XPO7: variants seen among roughly 807,000 people sequenced by gnomAD.
The protein encoded by XPO7 is exportin 7, also known as exportin-7.
XPO7 carries 21 observed loss-of-function variants against 144.3 expected under a neutral mutation model. That is an observed-to-expected ratio of 0.15 (90% CI 0.10 to 0.21). XPO7 has a LOEUF of 0.21. Ranked by LOEUF, XPO7 falls within the 10% of genes least tolerant of loss-of-function variation. The probability of loss-of-function intolerance (pLI) is 1.00; values close to 1 mark genes in which losing one functional copy is unlikely to be tolerated. For missense variants in XPO7, 808 were observed against 1,325.8 expected, an observed-to-expected ratio of 0.61 and a Z score of 6.06; for synonymous variants, 580 against 499.6, an observed-to-expected ratio of 1.16 and a Z score of -2.15.
chr8:21,982,031 T>TACATTTAC (rs1194764557), intron 10 of XPO7, among the ~76,000 whole-genome samples, 154 bp downstream of exon 10: 1 of 152,222 alleles, frequency 6.6e-6, no homozygotes, highest in Non-Finnish European at 1.5e-5. Flanking sequence ...GCCTGTGATT[T>TACATTTAC]ACATTTACAC....
intron 1 of XPO7, among the ~76,000 whole-genome samples, chr8:21,934,120 G>A (rs1026230578): frequency 1.3e-5 from 2 of 152,142 alleles, no homozygotes; most frequent in African/African-American, 4.8e-5. Flanking sequence ...CCTTGCTTTC[G>A]TAGTTCTTAT....
rs1216563460 is a variant in XPO7, at chr8:22,003,993, G to A, written c.3133G>A (p.Gly1045Ser). 1.2e-6 allele frequency: 2 copies of A among 1,613,922 alleles called. No individual in the cohort carries two copies. Among genetic ancestry groups the A allele is most frequent in the South Asian group, 2.2e-5 (2 of 91,076 alleles). The change falls in exon 27 of 28, where the codon GGC becomes AGC. Residue 1045 changes from glycine to serine, a missense_variant. By Grantham distance (56) the Gly-to-Ser change is moderately conservative. Coordinates refer to ENST00000252512, the MANE Select transcript of XPO7 (RefSeq NM_015024.5). ...CCTGTGTTTTGAGAACCTGATGGAA[G>A]GCATCGAGCGAAATCTTCTTACGAA... ...MHLCFENLME[G>S]IERNLLTKNR...
At chr8:21,962,857 T>C (rs1811769286) in intron 1 of XPO7, among the ~76,000 whole-genome samples, 2 of 152,224 alleles carry the variant, frequency 1.3e-5, no homozygotes, top group African/African-American at 4.8e-5. Flanking sequence ...TACTCACTTA[T>C]TGACTATAAG....
chr8:21,964,464 T>A (rs1011554735), intron 1 of XPO7: 1 of 152,208 alleles, frequency 6.6e-6, no homozygotes, highest in Non-Finnish European at 1.5e-5. Context: ...TTGAAAACAC[T>A]GGTAACTAAA....
intron 1 of XPO7, among the ~76,000 whole-genome samples, chr8:21,938,139 G>T (rs1810880189): frequency 6.6e-6 from 1 of 152,054 alleles, no homozygotes; most frequent in African/African-American, 2.4e-5. Context: ...TTGTCTTCTT[G>T]TGCAACTATA....
intron 1 of XPO7, among the ~76,000 whole-genome samples, chr8:21,958,420 T>C (rs1292054545): frequency 6.6e-6 from 1 of 152,194 alleles, no homozygotes; most frequent in Non-Finnish European, 1.5e-5. Flanking sequence ...TTTATTAGCG[T>C]TAAACTAATG....
chr8:21,970,830 C>T (rs1205197486), intron 4 of XPO7, among the ~76,000 whole-genome samples: 1 of 152,080 alleles, frequency 6.6e-6, no homozygotes, highest in East Asian at 1.9e-4. Flanking sequence ...CTAGTGATGT[C>T]GAACTGTCTT....
At chr8:21,932,895 A>T (rs558065176) in intron 1 of XPO7, among the ~76,000 whole-genome samples, 1 of 152,172 alleles carries the variant, frequency 6.6e-6, no homozygotes, top group East Asian at 1.9e-4. Flanking sequence ...GCTGTAATGT[A>T]TATTTAATAT....
chr8:21,959,992 G>A (rs531465189), intron 1 of XPO7, among the ~76,000 whole-genome samples: 1 of 152,176 alleles, frequency 6.6e-6, no homozygotes, highest in Non-Finnish European at 1.5e-5. Context: ...GCCCAAATCT[G>A]TTGTCCTATC....
rs1812075143 is a variant in XPO7 at position 21,971,929 on chromosome 8, T to C, written c.480T>C (p.Asn160=). The C allele has an allele frequency of 4.3e-6, 7 of 1,613,596 alleles. No individual in the cohort carries two copies. The highest frequency in any genetic ancestry group is 5.9e-6 in the Non-Finnish European group (7 of 1,179,730). The part of the protein sequence containing the change: ...IGVTILSQLT[N]EINQADTTHP... ...TCACAATTTTATCTCAGCTAACCAA[T>C]GAAATTAATCAAGTAAGTGCTACAG... Residue 160 remains asparagine (N), a synonymous_variant, in exon 5 of 28, where the codon AAT becomes AAC. Transcript: ENST00000252512.
intron 1 of XPO7, among the ~76,000 whole-genome samples, chr8:21,922,021 T>C (rs1427791291): frequency 6.6e-6 from 1 of 152,202 alleles, no homozygotes; most frequent in African/African-American, 2.4e-5. Context: ...CAGTCTGCAA[T>C]GCATTGAGGG....
At chr8:21,964,508 C>A (rs1811821126) in intron 1 of XPO7, among the ~76,000 whole-genome samples, 1 of 152,056 alleles carries the variant, frequency 6.6e-6, no homozygotes, top group South Asian at 2.1e-4. Context: ...TTCCTTTCTC[C>A]TTCATCGGTA....
At chr8:21,959,256 G>A (rs1811640706) in intron 1 of XPO7, among the ~76,000 whole-genome samples, 3 of 152,146 alleles carry the variant, frequency 2.0e-5, no homozygotes, top group African/African-American at 7.2e-5. Context: ...GATTTTGTGT[G>A]CGCTCATGCA....
intron 8 of XPO7, among the ~76,000 whole-genome samples, chr8:21,978,118 A>G (rs1242148843): frequency 6.6e-6 from 1 of 152,158 alleles, no homozygotes; most frequent in African/African-American, 2.4e-5. Flanking sequence ...CTGTTCCTCA[A>G]ACGGCCACAG....
chr8:21,963,939 G>A (rs1811806715), intron 1 of XPO7, among the ~76,000 whole-genome samples: 1 of 152,272 alleles, frequency 6.6e-6, no homozygotes, highest in African/African-American at 2.4e-5. Context: ...TATCCAAGTT[G>A]AATAGACTAA....
At chr8:21,952,411 G>A (rs1811401749) in intron 1 of XPO7, among the ~76,000 whole-genome samples, 1 of 151,996 alleles carries the variant, frequency 6.6e-6, no homozygotes, top group African/African-American at 2.4e-5. Flanking sequence ...TCAGAATTTT[G>A]AAAGGAGGGT....
chr8:22,002,167 C>G lies in XPO7; in HGVS notation c.2838C>G (p.Leu946=), dbSNP rs201013811. 48 of 1,612,736 alleles carry G rather than the reference C, an allele frequency of 3.0e-5. No homozygotes were observed. In the East Asian group the frequency reaches 1.0e-3, roughly 34 times the overall value. ...CSCLDHIVTY[L]FKQLSRSTKK... ...GCCTGGACCACATTGTGACATACCTCTTCAAGCAGCTGTCACGTAGCACCA... is the reference window on the plus strand; with the variant it reads ...GCCTGGACCACATTGTGACATACCTGTTCAAGCAGCTGTCACGTAGCACCA... Residue 946 remains leucine (L), a synonymous_variant, in exon 25 of 28, where the codon CTC becomes CTG. Transcript: ENST00000252512.
At position 21,970,314 on chromosome 8, in the gene XPO7, C is replaced by T; in HGVS notation, c.426+4C>T. ...AGACGTCACAAGGTTTTTACAGGTA[C>T]AGTGTATATATTTGATGTAATGGGA... On this transcript the variant is annotated splice_donor_region_variant and intron_variant, in intron 4 of 27. Transcript: ENST00000252512. 1.2e-6 allele frequency: 2 copies of T among 1,612,542 alleles called. No homozygotes were observed. The highest frequency in any genetic ancestry group is 1.7e-6 in the Non-Finnish European group (2 of 1,179,344).
chr8:21,984,251 G>A (rs930507201), intron 11 of XPO7, among the ~76,000 whole-genome samples: 2 of 152,072 alleles, frequency 1.3e-5, no homozygotes, highest in South Asian at 2.1e-4. Context: ...TGAATTCCAA[G>A]ACACACCTGG....
Sources: gnomAD v4.1 joint callset for allele counts (sites outside exome capture counted in the v4.1 genomes callset) on GRCh38, gnomAD v4.1.1 for gene constraint, MANE v1.5 for transcripts, NCBI Gene and HGNC (gene_info 2026-07-23, HGNC 2026-07-21) for gene names.